Variants in FER observed in about 807,000 individuals in gnomAD.
FER encodes the protein tyrosine-protein kinase Fer.
Under a neutral mutation model 111.0 loss-of-function variants are expected in FER, and 63 were observed. The observed-to-expected ratio is 0.57, with a 90% CI of 0.46 to 0.70. FER has a LOEUF of 0.70. Ranked by LOEUF, FER falls within the 30% of genes least tolerant of loss-of-function variation. The pLI, the probability that FER is intolerant of heterozygous loss-of-function variation, is 0.00. For missense variants in FER, 914 were observed against 954.0 expected (o/e 0.96, Z 0.55); for synonymous variants, 327 against 313.9 (o/e 1.04, Z -0.44).
At chr5:109,095,983 AT>A (rs1381716382) in intron 16 of FER, among the ~76,000 whole-genome samples, 1 of 152,104 alleles carries the variant, frequency 6.6e-6, no homozygotes, top group Non-Finnish European at 1.5e-5. Context: ...TTGAAGATAA[AT>A]TAAGATCCCT....
chr5:109,158,955 T>G (rs1441631862), intron 17 of FER, among the ~76,000 whole-genome samples: 1 of 152,168 alleles, frequency 6.6e-6, no homozygotes, highest in Non-Finnish European at 1.5e-5. Flanking sequence ...AATTTTAAAT[T>G]CAGTCATTAA....
chr5:108,884,255 A>G (rs937941192), intron 9 of FER, among the ~76,000 whole-genome samples: 2 of 151,966 alleles, frequency 1.3e-5, no homozygotes, highest in African/African-American at 4.8e-5. Flanking sequence ...GATATATAGA[A>G]TTTCTCCAGT....
intron 5 of FER, among the ~76,000 whole-genome samples, chr5:108,845,043 T>TAC (rs1761853498): frequency 1.3e-3 from 38 of 29,320 alleles, no homozygotes; most frequent in South Asian, 2.7e-3. Context: ...TATATATACA[T>TAC]ATATATATAT....
chr5:108,990,930 T>C (rs1763086144), intron 13 of FER, among the ~76,000 whole-genome samples: 1 of 151,830 alleles, frequency 6.6e-6, no homozygotes, highest in Non-Finnish European at 1.5e-5. Flanking sequence ...TATTAAAATA[T>C]GTACATAACT....
intron 10 of FER, among the ~76,000 whole-genome samples, chr5:108,936,667 T>C (rs1235866822): frequency 6.6e-6 from 1 of 152,020 alleles, no homozygotes; most frequent in Non-Finnish European, 1.5e-5. Flanking sequence ...GAGGTGTTAT[T>C]TATAATATTT....
At chr5:109,025,142 T>C (rs1233140505) in intron 13 of FER, among the ~76,000 whole-genome samples, 1 of 151,964 alleles carries the variant, frequency 6.6e-6, no homozygotes, top group Non-Finnish European at 1.5e-5. Context: ...AGTAGTTTTT[T>C]CCAATTCTGT....
chr5:108,880,996 A>G (rs1472823860), intron 8 of FER, among the ~76,000 whole-genome samples: 1 of 152,116 alleles, frequency 6.6e-6, no homozygotes, highest in Non-Finnish European at 1.5e-5. Context: ...TATTCCTGTT[A>G]TAAGAGATTC....
chr5:109,002,920 A>G (rs1764993844), intron 13 of FER, among the ~76,000 whole-genome samples: 1 of 152,254 alleles, frequency 6.6e-6, no homozygotes, highest in South Asian at 2.1e-4. Context: ...ATGAGATACC[A>G]TCTCATACCA....
chr5:108,786,074 G>A (rs772817226), intron 2 of FER, among the ~76,000 whole-genome samples: 11 of 152,212 alleles, frequency 7.2e-5, no homozygotes, highest in Non-Finnish European at 1.6e-4. Flanking sequence ...AACAAGTGGA[G>A]AGATACTCAG....
At chr5:108,897,300 A>C (rs147600811) in intron 9 of FER, among the ~76,000 whole-genome samples, 2 of 152,254 alleles carry the variant, frequency 1.3e-5, no homozygotes, top group African/African-American at 4.8e-5. Context: ...TTTGATACTT[A>C]AAGTAAATTT....
chr5:109,135,779 G>C (rs1424951708), intron 17 of FER, among the ~76,000 whole-genome samples: 1 of 152,114 alleles, frequency 6.6e-6, no homozygotes, highest in East Asian at 1.9e-4. Context: ...TACCAGTCCA[G>C]TTGCCTTTGG....
chr5:109,092,443 A>C (rs1460777817), intron 16 of FER, among the ~76,000 whole-genome samples: 3 of 152,120 alleles, frequency 2.0e-5, no homozygotes, highest in African/African-American at 7.2e-5. Flanking sequence ...CCCAATTAAA[A>C]AATGAGCAAA....
chr5:108,993,162 C>T (rs1381914843), intron 13 of FER, among the ~76,000 whole-genome samples: 3 of 152,188 alleles, frequency 2.0e-5, no homozygotes, highest in African/African-American at 4.8e-5. Context: ...GCTGCAATCT[C>T]AGCACTTTGG....
At chr5:109,040,078 G>A (rs1770940817) in intron 14 of FER, among the ~76,000 whole-genome samples, 1 of 152,074 alleles carries the variant, frequency 6.6e-6, no homozygotes, top group East Asian at 1.9e-4. Context: ...AAAGATTTCA[G>A]TCCTAAGTGT....
intron 3 of FER, among the ~76,000 whole-genome samples, chr5:108,815,860 A>G (rs2150089105): frequency 6.6e-6 from 1 of 152,302 alleles, no homozygotes; most frequent in East Asian, 1.9e-4. Context: ...TCAACTATAT[A>G]TATTTTTAAA....
rs150884424 is a variant in FER at position 109,075,011 on chromosome 5, C to T, written c.1925-25385C>T. Among the ~76,000 whole-genome samples, 57 of 152,206 alleles carry T rather than the reference C, an allele frequency of 3.7e-4. No homozygotes were observed. The East Asian group carries it at 9.9e-3, about 26-fold the overall frequency. On this transcript the variant is annotated intron_variant, in intron 16 of 19. Transcript: ENST00000281092. The stretch of plus-strand genomic sequence containing the variant: ...TATCAAATTTAAGTTATATCTAAAC[C>T]AGGTATTGCTAATTTAATAAAATCA...
At chr5:108,913,313 G>A (rs1751814167) in intron 10 of FER, among the ~76,000 whole-genome samples, 1 of 152,128 alleles carries the variant, frequency 6.6e-6, no homozygotes, top group Non-Finnish European at 1.5e-5. Flanking sequence ...AGTTAAATGT[G>A]TGACTCACTC....
intron 2 of FER, among the ~76,000 whole-genome samples, chr5:108,771,517 C>G (rs1193599815): frequency 6.6e-6 from 1 of 152,154 alleles, no homozygotes; most frequent in Non-Finnish European, 1.5e-5. Flanking sequence ...GATCATGTAG[C>G]TGGCTTTCAT....
intron 17 of FER, among the ~76,000 whole-genome samples, chr5:109,161,072 A>G (rs1221233451): frequency 6.6e-6 from 1 of 152,160 alleles, no homozygotes; most frequent in Non-Finnish European, 1.5e-5. Context: ...AGATCAAGAG[A>G]AAGTAATGTG....
Sources: allele counts gnomAD v4.1 joint callset (sites outside exome capture counted in the v4.1 genomes callset), GRCh38; gene constraint gnomAD v4.1.1; transcripts MANE v1.5; gene names NCBI Gene and HGNC (gene_info 2026-07-23, HGNC 2026-07-21).